The following DIP2C variants were observed in gnomAD, a reference collection of about 807,000 sequenced individuals.
DIP2C encodes the protein DIP2 acetate--CoA ligase C (putative), also known as disco-interacting protein 2 homolog C.
DIP2C carries 33 observed loss-of-function variants against 192.4 expected under a neutral mutation model. The observed-to-expected ratio is 0.17, with a 90% CI of 0.13 to 0.23. The LOEUF is 0.23. Ranked by LOEUF, DIP2C falls within the 10% of genes least tolerant of loss-of-function variation. The probability of loss-of-function intolerance (pLI) is 1.00; values close to 1 mark genes in which losing one functional copy is unlikely to be tolerated. For missense variants in DIP2C, 1,537 were observed against 2,110.1 expected (o/e 0.73, Z 5.32); for synonymous variants, 979 against 864.1 (o/e 1.13, Z -2.33).
At chr10:451,433 C>T (rs555675415) in intron 3 of DIP2C, among the ~76,000 whole-genome samples, 2 of 152,218 alleles carry the variant, frequency 1.3e-5, no homozygotes, top group Non-Finnish European at 2.9e-5. Flanking sequence ...AAAACCACAA[C>T]CACCGCAACC....
chr10:593,441 C>T (rs1851518681), intron 1 of DIP2C, among the ~76,000 whole-genome samples: 1 of 151,834 alleles, frequency 6.6e-6, no homozygotes, highest in African/African-American at 2.4e-5. Context: ...CCAGCAGACC[C>T]CACACCCGGG....
rs1332122859 is a variant in DIP2C at position 523,497 on chromosome 10, CTG to C, written c.86-36969_86-36968del. 5.1e-5 allele frequency among the ~76,000 whole-genome samples: 7 copies of C among 136,164 alleles called. 1 individual carries two copies. Among genetic ancestry groups the C allele is most frequent in the African/African-American group, 1.7e-4 (6 of 35,436 alleles). 89.3% of individuals were successfully genotyped at this position (136,164 alleles called of 152,430 possible). ...ACCCTGGAGTGAGGATGCAGGGACT[CTG>C]TGTCACCCACACACTCGTTTCTACC... is the stretch of plus-strand genomic sequence containing the variant. On this transcript the variant is annotated intron_variant, in intron 1 of 36. Coordinates refer to ENST00000280886, the MANE Select transcript of DIP2C (RefSeq NM_014974.3).
At chr10:485,127 C>T (rs554131377) in intron 2 of DIP2C, among the ~76,000 whole-genome samples, 3 of 152,258 alleles carry the variant, frequency 2.0e-5, no homozygotes, top group Non-Finnish European at 4.4e-5. Context: ...AGGCACGGTG[C>T]GCTGGAGAAC....
chr10:648,572 GC>G (rs1855634699), intron 1 of DIP2C, among the ~76,000 whole-genome samples: 5 of 151,882 alleles, frequency 3.3e-5, no homozygotes, highest in East Asian at 1.9e-4. Flanking sequence ...TTGAGGGTGG[GC>G]AAGAACAGAG....
chr10:462,482 T>G (rs1238128044), intron 3 of DIP2C, among the ~76,000 whole-genome samples: 1 of 152,166 alleles, frequency 6.6e-6, no homozygotes, highest in African/African-American at 2.4e-5. Flanking sequence ...AGGTAGAAGC[T>G]GAATCCCTGA....
intron 1 of DIP2C, among the ~76,000 whole-genome samples, chr10:624,842 G>T (rs1226439142): frequency 6.6e-6 from 1 of 152,154 alleles, no homozygotes; most frequent in Admixed American, 6.5e-5. Flanking sequence ...CGGAAGCTGT[G>T]AAGACGGAGG....
In DIP2C at chr10:364,730, C is replaced by A. The variant is rs999403947; in HGVS notation, c.2269-148G>T. 28 of 843,100 alleles carry A rather than the reference C, an allele frequency of 3.3e-5. No individual in the cohort carries two copies. In the South Asian group the frequency reaches 4.5e-4, roughly 14 times the overall value. 52.2% of individuals were successfully genotyped at this position (843,100 alleles called of 1,614,324 possible). A position where few individuals can be genotyped will look rare whatever the true frequency, so the allele number is the denominator to read the frequency against. ...GCCCTAGGGCCGAGGTCACAGTGAC[C>A]GCTGGTGGCCAACAGTCTTCGAGGC... On this transcript the variant is annotated intron_variant, in intron 19 of 36. Transcript: ENST00000280886.
At chr10:678,086 T>C (rs1441218180) in intron 1 of DIP2C, among the ~76,000 whole-genome samples, 1 of 152,082 alleles carries the variant, frequency 6.6e-6, no homozygotes, top group Non-Finnish European at 1.5e-5. Flanking sequence ...ACCTCAGAGG[T>C]CGTGGCAGGG....
chr10:334,740 A>T (rs1957674683), intron 29 of DIP2C, among the ~76,000 whole-genome samples: 2 of 152,212 alleles, frequency 1.3e-5, no homozygotes, highest in Admixed American at 1.3e-4. Flanking sequence ...TTGACCATAA[A>T]TATAAGGGTT....
At chr10:357,973 A>C (rs760866020) in intron 22 of DIP2C, 36 bp from the exon 23 acceptor site, 11 of 1,546,036 alleles carry the variant, frequency 7.1e-6, no homozygotes, top group Non-Finnish European at 9.8e-6. Flanking sequence ...TGAGGAAACA[A>C]AAGAGAAATT....
intron 31 of DIP2C, among the ~76,000 whole-genome samples, chr10:316,126 C>G (rs1956763745): frequency 6.6e-6 from 1 of 152,158 alleles, no homozygotes; most frequent in African/African-American, 2.4e-5. Flanking sequence ...CTGATAATTG[C>G]AGCATGTCTC....
At chr10:579,020 C>T (rs895290860) in intron 1 of DIP2C, among the ~76,000 whole-genome samples, 14 of 151,778 alleles carry the variant, frequency 9.2e-5, no homozygotes, top group East Asian at 1.9e-4. Context: ...TGTGGTAGAG[C>T]GTACATACAT....
At chr10:434,434 C>A (rs1391270921) in intron 4 of DIP2C, among the ~76,000 whole-genome samples, 1 of 152,112 alleles carries the variant, frequency 6.6e-6, no homozygotes, top group Non-Finnish European at 1.5e-5. Context: ...CAGGTGTCAG[C>A]CACCATGTTT....
chr10:621,941 T>C (rs889208324), intron 1 of DIP2C, among the ~76,000 whole-genome samples: 2 of 152,116 alleles, frequency 1.3e-5, no homozygotes, highest in Non-Finnish European at 2.9e-5. Flanking sequence ...ATGGTTTTGT[T>C]TGTTTTTCAA....
chr10:405,974 T>G (rs963853716), intron 9 of DIP2C, among the ~76,000 whole-genome samples: 1 of 152,300 alleles, frequency 6.6e-6, no homozygotes, highest in East Asian at 1.9e-4. Flanking sequence ...TTTAGAAAAG[T>G]AGCGCCTTCA....
intron 17 of DIP2C, among the ~76,000 whole-genome samples, chr10:374,159 T>C (rs963101067): frequency 3.9e-5 from 6 of 152,234 alleles, no homozygotes; most frequent in African/African-American, 1.2e-4. Flanking sequence ...GCTGGTTTGT[T>C]ACACACAGTG....
At chr10:681,603 A>G (rs1031699205) in intron 1 of DIP2C, among the ~76,000 whole-genome samples, 16 of 151,944 alleles carry the variant, frequency 1.1e-4, no homozygotes, top group Non-Finnish European at 1.8e-4. Flanking sequence ...CCTTAGTCAC[A>G]TGGTACAGCC....
chr10:321,553 C>T lies in DIP2C; in HGVS notation c.3924+5453G>A, dbSNP rs1048914642. Among the ~76,000 whole-genome samples the T allele has an allele frequency of 1.2e-3, 159 of 129,432 alleles. 1 individual carries two copies. The highest frequency in any genetic ancestry group is 4.0e-4 in the African/African-American group (14 of 34,576). 84.9% of individuals were successfully genotyped at this position (129,432 alleles called of 152,430 possible). ...TGCGGGGGCTCCAGCGAGAGACCGGCGCTGTTAGAACAGTCAGTCGGGGGT... is the reference window on the plus strand; with the variant it reads ...TGCGGGGGCTCCAGCGAGAGACCGGTGCTGTTAGAACAGTCAGTCGGGGGT... On this transcript the variant is annotated intron_variant, in intron 31 of 36. Coordinates refer to ENST00000280886, the MANE Select transcript of DIP2C (RefSeq NM_014974.3).
chr10:486,996 T>C (rs1219480559), intron 1 of DIP2C, among the ~76,000 whole-genome samples: 1 of 152,228 alleles, frequency 6.6e-6, no homozygotes, highest in African/African-American at 2.4e-5. Flanking sequence ...GCCGCCACAG[T>C]GTTTTTGAAA....
Sources: allele counts gnomAD v4.1 joint callset (sites outside exome capture counted in the v4.1 genomes callset), GRCh38; gene constraint gnomAD v4.1.1; transcripts MANE v1.5; gene names NCBI Gene and HGNC (gene_info 2026-07-23, HGNC 2026-07-21).